PLXDC2: variants seen among roughly 807,000 people sequenced by gnomAD.
PLXDC2 encodes plexin domain containing 2, also known as plexin domain-containing protein 2.
In PLXDC2, 40 loss-of-function variants were observed where a neutral mutation model predicts 68.9. The observed-to-expected ratio is 0.58, with a 90% CI of 0.45 to 0.76. The LOEUF is 0.76. PLXDC2 is among the 30% of genes least tolerant of loss of function. The probability of loss-of-function intolerance (pLI) is 0.00; values close to 1 mark genes in which losing one functional copy is unlikely to be tolerated. For missense variants in PLXDC2, 644 were observed against 661.9 expected (o/e 0.97, Z 0.30); for synonymous variants, 243 against 234.2 (o/e 1.04, Z -0.34).
intron 9 of PLXDC2, among the ~76,000 whole-genome samples, chr10:20,199,226 C>G (rs11011861): frequency 6.6e-6 from 1 of 151,888 alleles, no homozygotes; most frequent in African/African-American, 2.4e-5. Flanking sequence ...TAAAATTTAA[C>G]CATTTTTTTA....
At chr10:20,069,283 A>C in intron 4 of PLXDC2, among the ~76,000 whole-genome samples, 1 of 152,234 alleles carries the variant, frequency 6.6e-6, no homozygotes, top group East Asian at 1.9e-4. Flanking sequence ...ATGGTAAATA[A>C]GTCTACCACT....
intron 2 of PLXDC2, among the ~76,000 whole-genome samples, chr10:20,033,573 C>G (rs34498093): frequency 1.3e-5 from 2 of 151,892 alleles, no homozygotes; most frequent in African/African-American, 2.4e-5. Flanking sequence ...CGGCAGAAGG[C>G]GAAGGAAGAG....
At chr10:20,097,938 A>G (rs2131736316) in intron 4 of PLXDC2, among the ~76,000 whole-genome samples, 1 of 148,398 alleles carries the variant, frequency 6.7e-6, no homozygotes, top group Non-Finnish European at 1.5e-5. Flanking sequence ...TTATAGTATT[A>G]TATATTTATA....
intron 1 of PLXDC2, among the ~76,000 whole-genome samples, chr10:19,848,941 A>C (rs1412560297): frequency 1.3e-5 from 2 of 152,194 alleles, no homozygotes; most frequent in Admixed American, 1.3e-4. Flanking sequence ...TTTTCACTTT[A>C]AGTGAGAAGA....
At chr10:20,253,804 T>C (rs147889025) in intron 13 of PLXDC2, among the ~76,000 whole-genome samples, 7 of 152,340 alleles carry the variant, frequency 4.6e-5, no homozygotes, top group Middle Eastern at 3.4e-3. Flanking sequence ...AAAAAATGAT[T>C]CCACACAATC....
At chr10:20,046,197 A>AT (rs961227387) in intron 2 of PLXDC2, among the ~76,000 whole-genome samples, 7 of 152,204 alleles carry the variant, frequency 4.6e-5, no homozygotes, top group Middle Eastern at 3.4e-3. Flanking sequence ...CAAAAGAGAC[A>AT]TTTTTGTTCA....
At chr10:19,853,091 G>C (rs1178178332) in intron 1 of PLXDC2, among the ~76,000 whole-genome samples, 1 of 152,176 alleles carries the variant, frequency 6.6e-6, no homozygotes, top group Non-Finnish European at 1.5e-5. Context: ...AAAGGTTACA[G>C]ATAAAGATAA....
intron 7 of PLXDC2, among the ~76,000 whole-genome samples, chr10:20,174,491 T>C (rs931164066): frequency 6.6e-6 from 1 of 152,092 alleles, no homozygotes; most frequent in Non-Finnish European, 1.5e-5. Flanking sequence ...ACGCCTGAGA[T>C]ATTTTCAGCC....
rs565074149 is a variant in PLXDC2, at chr10:20,267,630, C to T, written c.1474-12073C>T. ...CAAAATTTGAGGGATTCCTTTATTT[C>T]CCACTCCTACACAATTTTCTTGAGC... On this transcript the variant is annotated intron_variant, in intron 13 of 13. Transcript: ENST00000377252. 4.6e-5 allele frequency among the ~76,000 whole-genome samples: 7 copies of T among 152,190 alleles called. No homozygotes were observed. The East Asian group carries it at 1.4e-3, about 29-fold the overall frequency.
intron 4 of PLXDC2, among the ~76,000 whole-genome samples, chr10:20,086,731 A>C (rs1465592654): frequency 6.6e-6 from 1 of 152,192 alleles, no homozygotes; most frequent in African/African-American, 2.4e-5. Context: ...AGCATCTGTC[A>C]CAATCACCTC....
At chr10:19,920,618 C>G (rs577106125) in intron 1 of PLXDC2, among the ~76,000 whole-genome samples, 13 of 152,336 alleles carry the variant, frequency 8.5e-5, no homozygotes, top group Middle Eastern at 6.8e-3. Context: ...TCCATTCCCC[C>G]TTTTGGCTGC....
At chr10:19,914,809 A>G (rs1833336398) in intron 1 of PLXDC2, among the ~76,000 whole-genome samples, 1 of 152,188 alleles carries the variant, frequency 6.6e-6, no homozygotes, top group Non-Finnish European at 1.5e-5. Context: ...GAAACCATGA[A>G]TTAAAATTGT....
intron 13 of PLXDC2, 101 bp downstream of exon 13, chr10:20,245,606 T>G: frequency 7.4e-7 from 1 of 1,353,302 alleles, no homozygotes; most frequent in Non-Finnish European, 1.0e-6. Context: ...GCTTCTCCAT[T>G]TTTCAGTTCA....
intron 12 of PLXDC2, among the ~76,000 whole-genome samples, chr10:20,230,280 A>G (rs997497863): frequency 6.6e-6 from 1 of 152,220 alleles, no homozygotes; most frequent in African/African-American, 2.4e-5. Context: ...CTGCAAATAT[A>G]ACCACAGAAA....
Position 20,016,511 on chromosome 10 carries a change from G to A in PLXDC2, c.324+14525G>A, listed in dbSNP as rs181021686. Among the ~76,000 whole-genome samples, 203 of 152,188 alleles carry A rather than the reference G, an allele frequency of 1.3e-3. 1 individual carries two copies. The highest frequency in any genetic ancestry group is 0.012 in the South Asian group (58 of 4,818). On this transcript the variant is annotated intron_variant, in intron 2 of 13. Coordinates refer to ENST00000377252, the MANE Select transcript of PLXDC2 (RefSeq NM_032812.9). ...TTTGTCTAGCAGTAGATTTGTTTTC[G>A]CACTCAAATTATCTGAGTACCATTT... is the stretch of plus-strand genomic sequence containing the variant.
In PLXDC2 at chr10:20,283,763, A is replaced by ACTAT. The variant is rs1340136769; in HGVS notation, c.*3947_*3950dup. The stretch of plus-strand genomic sequence containing the variant: ...AAAAGGAGGCTTCCATTTAGAAGGC[A>ACTAT]CTATCTCAAACATAAATAATTTCAT... On this transcript the variant is annotated 3_prime_UTR_variant, in exon 14 of 14. Transcript: ENST00000377252. 2.6e-5 allele frequency: 4 copies of ACTAT among 152,198 alleles called. No homozygotes were observed. The highest frequency in any genetic ancestry group is 7.2e-5 in the African/African-American group (3 of 41,462). The allele number at this position is 152,198 out of a possible 1,614,324, so 9.4% of individuals were successfully genotyped here. A position where few individuals can be genotyped will look rare whatever the true frequency, so the allele number is the denominator to read the frequency against.
Position 20,282,418 on chromosome 10 carries a change from C to T in PLXDC2, c.*2599C>T, listed in dbSNP as rs942619373. The stretch of plus-strand genomic sequence containing the variant: ...TTAGAGAAGGTGCAACTGTACATTA[C>T]TTAATATACTATGAACATAATAGAA... On this transcript the variant is annotated 3_prime_UTR_variant, in exon 14 of 14. Coordinates refer to ENST00000377252, the MANE Select transcript of PLXDC2 (RefSeq NM_032812.9). 6.6e-6 allele frequency: 1 copy of T among 152,082 alleles called. No individual in the cohort carries two copies. Among genetic ancestry groups the T allele is most frequent in the African/African-American group, 2.4e-5 (1 of 41,408 alleles). 9.4% of individuals were successfully genotyped at this position (152,082 alleles called of 1,614,324 possible).
intron 1 of PLXDC2, among the ~76,000 whole-genome samples, chr10:19,843,072 A>G (rs1438515026): frequency 6.6e-6 from 1 of 151,728 alleles, no homozygotes; most frequent in South Asian, 2.1e-4. Context: ...TTTTTTTTCT[A>G]TAAAATTTAC....
At chr10:20,079,546 A>G (rs1020964615) in intron 4 of PLXDC2, among the ~76,000 whole-genome samples, 20 of 152,208 alleles carry the variant, frequency 1.3e-4, no homozygotes, top group Admixed American at 2.6e-4. Flanking sequence ...ATGCCCATCA[A>G]TGATTGACTG....
Sources: gnomAD v4.1 joint callset for allele counts (sites outside exome capture counted in the v4.1 genomes callset) on GRCh38, gnomAD v4.1.1 for gene constraint, MANE v1.5 for transcripts, NCBI Gene and HGNC (gene_info 2026-07-23, HGNC 2026-07-21) for gene names.